KANK1: variants seen among roughly 807,000 people sequenced by gnomAD.
KANK1 encodes the protein KN motif and ankyrin repeat domain-containing protein 1.
Under a neutral mutation model 106.2 loss-of-function variants are expected in KANK1, and 109 were observed. The ratio of observed to expected loss-of-function variants is 1.03; its 90% CI spans 0.88 to 1.20. The LOEUF (loss-of-function observed/expected upper bound fraction) is 1.20, where lower values mean the gene tolerates loss of function less well. Among genes scored for constraint, KANK1 ranks in the 50% most tolerant of loss-of-function variants. KANK1 has a pLI of 0.00. For missense variants in KANK1, 2,399 were observed against 1,710.7 expected (o/e 1.40, Z -7.10); for synonymous variants, 873 against 652.2 (o/e 1.34, Z -5.16).
chr9:609,576 G>C (rs915737544), intron 1 of KANK1, among the ~76,000 whole-genome samples: 1 of 152,122 alleles, frequency 6.6e-6, no homozygotes, highest in African/African-American at 2.4e-5. Context: ...GTTGCAATGA[G>C]CTGAGATCGC....
chr9:559,748 A>G (rs1187011252), intron 1 of KANK1, among the ~76,000 whole-genome samples: 1 of 152,210 alleles, frequency 6.6e-6, no homozygotes, highest in Non-Finnish European at 1.5e-5. Context: ...AATGTGACCC[A>G]GAAGGCTTTC....
At chr9:660,641 A>C (rs76043807) in intron 1 of KANK1, among the ~76,000 whole-genome samples, 5,023 of 152,226 alleles carry the variant, frequency 0.033, 307 homozygotes, top group African/African-American at 0.12. Flanking sequence ...GTCTGGCCAG[A>C]AGCTCCTCCG....
chr9:673,433 C>G (rs886813002), intron 1 of KANK1: 1 of 152,482 alleles, frequency 6.6e-6, no homozygotes, highest in African/African-American at 2.4e-5. Context: ...TGGTCTTGAA[C>G]TCCTGGCCTC....
intron 1 of KANK1, among the ~76,000 whole-genome samples, chr9:563,977 C>G (rs923462424): frequency 1.3e-5 from 2 of 152,032 alleles, no homozygotes; most frequent in African/African-American, 4.8e-5. Flanking sequence ...CTCTAGAAGA[C>G]AGGATCTTTG....
rs916165803 is a variant in KANK1 at position 591,034 on chromosome 9, T to G, written c.-83-85856T>G. Among the ~76,000 whole-genome samples, 6 of 151,838 alleles carry G rather than the reference T, an allele frequency of 4.0e-5. 1 individual carries two copies. The highest frequency in any genetic ancestry group is 1.5e-4 in the African/African-American group (6 of 41,116). On this transcript the variant is annotated intron_variant, in intron 1 of 11. Coordinates refer to ENST00000382297, the MANE Select transcript of KANK1 (RefSeq NM_015158.5). The stretch of plus-strand genomic sequence containing the variant: ...AACAAACAAAAAAACCTTACCAGTT[T>G]TATAGACAGATGAACATCTTTTCAT...
chr9:593,250 A>C (rs1445943601), intron 1 of KANK1, among the ~76,000 whole-genome samples: 1 of 151,788 alleles, frequency 6.6e-6, no homozygotes, highest in Non-Finnish European at 1.5e-5. Context: ...TCTTTTCCTT[A>C]TTTTAACTCT....
intron 1 of KANK1, among the ~76,000 whole-genome samples, chr9:585,881 TGATA>T (rs1218863779): frequency 6.6e-6 from 1 of 152,108 alleles, no homozygotes; most frequent in Non-Finnish European, 1.5e-5. Context: ...GATAAAGTAG[TGATA>T]GATAATGGAA....
rs1050710087 is a variant in KANK1 at position 604,996 on chromosome 9, C to G, written c.-83-71894C>G. 2.6e-5 allele frequency among the ~76,000 whole-genome samples: 4 copies of G among 151,744 alleles called. 1 individual carries two copies. Among genetic ancestry groups the G allele is most frequent in the African/African-American group, 9.7e-5 (4 of 41,038 alleles). On this transcript the variant is annotated intron_variant, in intron 1 of 11. Coordinates refer to ENST00000382297, the MANE Select transcript of KANK1 (RefSeq NM_015158.5). ...ATGTCTGACAGTTTGCAAATACCAT[C>G]TCATTTGTTTTTAATAGAAACCTCC... is the stretch of plus-strand genomic sequence containing the variant.
chr9:700,851 G>A (rs1202954743), intron 2 of KANK1, among the ~76,000 whole-genome samples: 2 of 152,192 alleles, frequency 1.3e-5, no homozygotes, highest in South Asian at 2.1e-4. Flanking sequence ...ACTGGGCCTA[G>A]AGTGTGCAGC....
At chr9:576,057 C>T (rs1032183687) in intron 1 of KANK1, among the ~76,000 whole-genome samples, 23 of 152,146 alleles carry the variant, frequency 1.5e-4, no homozygotes, top group African/African-American at 5.6e-4. Context: ...GAATGATTCC[C>T]AAAGTATGGT....
rs186929025 is a variant in KANK1 at position 607,977 on chromosome 9, T to C, written c.-83-68913T>C. Among the ~76,000 whole-genome samples the C allele has an allele frequency of 8.1e-3, 1,217 of 150,750 alleles. 38 individuals are homozygous for C. The highest frequency in any genetic ancestry group is 0.028 in the African/African-American group (1,144 of 40,634). ...TATGTGTATAATTTATCTAGTACCA[T>C]GGAATCTTTGAAGGAAAGACTAAAA... On this transcript the variant is annotated intron_variant, in intron 1 of 11. Coordinates refer to ENST00000382297, the MANE Select transcript of KANK1 (RefSeq NM_015158.5).
At chr9:542,249 C>T (rs1322703503) in intron 1 of KANK1, among the ~76,000 whole-genome samples, 1 of 152,210 alleles carries the variant, frequency 6.6e-6, no homozygotes, top group African/African-American at 2.4e-5. Flanking sequence ...CTGTAAATCC[C>T]AGCACTTTGG....
intron 1 of KANK1, among the ~76,000 whole-genome samples, chr9:664,761 A>G (rs562458647): frequency 5.3e-5 from 8 of 152,316 alleles, no homozygotes; most frequent in African/African-American, 1.9e-4. Context: ...AGTGTTTTCT[A>G]TAGTGGCTGT....
chr9:655,850 A>C (rs1378821763), intron 1 of KANK1, among the ~76,000 whole-genome samples: 1 of 152,192 alleles, frequency 6.6e-6, no homozygotes, highest in African/African-American at 2.4e-5. Flanking sequence ...GCTTACTCAG[A>C]GTTTCAATCA....
Position 710,615 on chromosome 9 carries a change from C to CAAAAAAA in KANK1, c.38-181_38-175dup, listed in dbSNP as rs1222306010. ...GCCTGGGTGACAGAATGACCTGTCT[C>CAAAAAAA]AAAAAAAAAAAAAACAAAAAAAAAC... On this transcript the variant is annotated intron_variant, in intron 2 of 11. Coordinates refer to ENST00000382297, the MANE Select transcript of KANK1 (RefSeq NM_015158.5). Among the ~76,000 whole-genome samples the CAAAAAAA allele has an allele frequency of 1.1e-4, 4 of 35,974 alleles. 1 individual carries two copies. The highest frequency in any genetic ancestry group is 2.7e-4 in the Admixed American group (1 of 3,638). The allele number at this position is 35,974 out of a possible 152,430, so 23.6% of individuals were successfully genotyped here. A position where few individuals can be genotyped will look rare whatever the true frequency, so the allele number is the denominator to read the frequency against.
intron 1 of KANK1, among the ~76,000 whole-genome samples, chr9:525,716 T>C (rs1266067723): frequency 6.6e-6 from 1 of 151,588 alleles, no homozygotes; most frequent in African/African-American, 2.4e-5. Context: ...CTAATAAGTG[T>C]TGCATTTTTA....
At chr9:574,395 T>C (rs575266508) in intron 1 of KANK1, among the ~76,000 whole-genome samples, 118 of 151,332 alleles carry the variant, frequency 7.8e-4, no homozygotes, top group Middle Eastern at 3.4e-3. Context: ...CTTCCTGCTT[T>C]TCCACCTTAA....
At chr9:674,508 A>T (rs1815979156) in intron 1 of KANK1, 1 of 152,142 alleles carries the variant, frequency 6.6e-6, no homozygotes, top group African/African-American at 2.4e-5. Context: ...AATTTCACTA[A>T]GTGGCAAGAA....
intron 1 of KANK1, among the ~76,000 whole-genome samples, chr9:513,533 A>G (rs12345050): frequency 0.13 from 19,820 of 152,228 alleles, 2,164 homozygotes; most frequent in African/African-American, 0.3. Context: ...CAAGAAACAT[A>G]TAAGAACCTC....
Sources: gnomAD v4.1 joint callset for allele counts (sites outside exome capture counted in the v4.1 genomes callset) on GRCh38, gnomAD v4.1.1 for gene constraint, MANE v1.5 for transcripts, NCBI Gene and HGNC (gene_info 2026-07-23, HGNC 2026-07-21) for gene names.